CNTNAP2: variants seen among roughly 807,000 people sequenced by gnomAD.
CNTNAP2 encodes the protein contactin associated protein 2.
Under a neutral mutation model 155.2 loss-of-function variants are expected in CNTNAP2, and 98 were observed. That is an observed-to-expected ratio of 0.63 (90% CI 0.54 to 0.75). The LOEUF (loss-of-function observed/expected upper bound fraction) is 0.75, where lower values mean the gene tolerates loss of function less well. Ranked by LOEUF, CNTNAP2 falls within the 30% of genes least tolerant of loss-of-function variation. CNTNAP2 has a pLI of 0.00. For missense variants in CNTNAP2, 1,727 were observed against 1,688.1 expected (o/e 1.02, Z -0.40); for synonymous variants, 651 against 631.2 (o/e 1.03, Z -0.47).
chr7:146,368,842 T>TTA (rs1309936557), intron 1 of CNTNAP2, among the ~76,000 whole-genome samples: 1 of 120,278 alleles, frequency 8.3e-6, no homozygotes, highest in Non-Finnish European at 1.7e-5. Context: ...GTGGAGAAAA[T>TTA]TATATACATA....
At chr7:146,288,432 T>C (rs1800373730) in intron 1 of CNTNAP2, among the ~76,000 whole-genome samples, 1 of 152,200 alleles carries the variant, frequency 6.6e-6, no homozygotes, top group South Asian at 2.1e-4. Flanking sequence ...AAGTCTTTGA[T>C]AGGTTCTTAG....
At chr7:148,244,203 G>A (rs947318205) in intron 20 of CNTNAP2, among the ~76,000 whole-genome samples, 5 of 152,128 alleles carry the variant, frequency 3.3e-5, no homozygotes, top group Admixed American at 1.3e-4. Flanking sequence ...TTATTTTGTC[G>A]TTTTGGAGAG....
At chr7:146,913,101 A>G (rs1051884087) in intron 3 of CNTNAP2, among the ~76,000 whole-genome samples, 8 of 152,270 alleles carry the variant, frequency 5.3e-5, no homozygotes, top group African/African-American at 1.9e-4. Flanking sequence ...TAAATCAGCA[A>G]AGTTTCATAG....
At chr7:148,115,486 C>A (rs2116604095) in intron 15 of CNTNAP2, among the ~76,000 whole-genome samples, 1 of 152,298 alleles carries the variant, frequency 6.6e-6, no homozygotes, top group Non-Finnish European at 1.5e-5. Context: ...GGACTTTGAT[C>A]TCTGCAGGCT....
At chr7:147,829,553 AT>A (rs879713960) in intron 13 of CNTNAP2, among the ~76,000 whole-genome samples, 5 of 152,122 alleles carry the variant, frequency 3.3e-5, no homozygotes, top group African/African-American at 4.8e-5. Context: ...TGAGACAGGC[AT>A]TTTTCCGATA....
intron 13 of CNTNAP2, among the ~76,000 whole-genome samples, chr7:147,672,295 C>G (rs1255844101): frequency 6.6e-6 from 1 of 152,156 alleles, no homozygotes; most frequent in Admixed American, 6.6e-5. Flanking sequence ...CCATGTTAAA[C>G]TTTCTAAATT....
intron 1 of CNTNAP2, among the ~76,000 whole-genome samples, chr7:146,313,706 A>C (rs1488786861): frequency 6.6e-6 from 1 of 152,076 alleles, no homozygotes; most frequent in Non-Finnish European, 1.5e-5. Flanking sequence ...TCAATTTTAA[A>C]TTGATATTTG....
At chr7:147,982,834 A>G (rs1322036539) in intron 15 of CNTNAP2, among the ~76,000 whole-genome samples, 1 of 151,716 alleles carries the variant, frequency 6.6e-6, no homozygotes, top group Non-Finnish European at 1.5e-5. Context: ...CCTGGCCAAC[A>G]TGGTGAAGCC....
intron 3 of CNTNAP2, among the ~76,000 whole-genome samples, chr7:146,970,980 A>G (rs894133581): frequency 1.3e-5 from 2 of 152,198 alleles, no homozygotes; most frequent in Non-Finnish European, 2.9e-5. Context: ...CAAACACTGC[A>G]TATTCTCACT....
intron 1 of CNTNAP2, among the ~76,000 whole-genome samples, chr7:146,738,640 G>A (rs1801659664): frequency 6.6e-6 from 1 of 151,738 alleles, no homozygotes; most frequent in South Asian, 2.1e-4. Flanking sequence ...TAGTCTCAAA[G>A]TTGTGGGTCT....
chr7:146,616,871 TGATGA>T (rs1451336708), intron 1 of CNTNAP2, among the ~76,000 whole-genome samples: 2 of 152,224 alleles, frequency 1.3e-5, no homozygotes, highest in African/African-American at 2.4e-5. Flanking sequence ...AAACATGCAT[TGATGA>T]GATTAGATAC....
chr7:148,032,713 C>G (rs536700290), intron 15 of CNTNAP2, among the ~76,000 whole-genome samples: 2 of 152,160 alleles, frequency 1.3e-5, no homozygotes, highest in Non-Finnish European at 2.9e-5. Flanking sequence ...CCCTTGGGCG[C>G]TAAGCAGAAG....
At chr7:147,932,192 T>A (rs1800518889) in intron 14 of CNTNAP2, among the ~76,000 whole-genome samples, 1 of 152,124 alleles carries the variant, frequency 6.6e-6, no homozygotes, top group Non-Finnish European at 1.5e-5. Context: ...GCCCCAGCAT[T>A]TTTTACAGAA....
intron 13 of CNTNAP2, among the ~76,000 whole-genome samples, chr7:147,826,040 T>C (rs888733620): frequency 6.6e-6 from 1 of 152,178 alleles, no homozygotes; most frequent in African/African-American, 2.4e-5. Flanking sequence ...GTAATTTACA[T>C]CAGGCTAAGG....
At chr7:147,521,395 C>T (rs1296709690) in intron 11 of CNTNAP2, among the ~76,000 whole-genome samples, 1 of 152,174 alleles carries the variant, frequency 6.6e-6, no homozygotes, top group Non-Finnish European at 1.5e-5. Context: ...ATCAAAATGT[C>T]TGCTTTATTA....
chr7:146,168,989 T>A (rs1798352027), intron 1 of CNTNAP2, among the ~76,000 whole-genome samples: 2 of 152,202 alleles, frequency 1.3e-5, no homozygotes, highest in African/African-American at 4.8e-5. Flanking sequence ...AGTGGCCTTT[T>A]TCCAGGCTTT....
At chr7:147,176,056 C>T (rs1019596419) in intron 8 of CNTNAP2, among the ~76,000 whole-genome samples, 1 of 152,102 alleles carries the variant, frequency 6.6e-6, no homozygotes, top group South Asian at 2.1e-4. Flanking sequence ...TTTTGTATGG[C>T]TGGTCTGAGT....
At chr7:146,790,575 T>C (rs541124332) in intron 2 of CNTNAP2, among the ~76,000 whole-genome samples, 1 of 151,196 alleles carries the variant, frequency 6.6e-6, no homozygotes, top group South Asian at 2.1e-4. Context: ...GTGATTTTTT[T>C]TTTTTTTTTT....
chr7:146,831,598 C>T (rs1229291340), intron 2 of CNTNAP2, among the ~76,000 whole-genome samples: 3 of 148,794 alleles, frequency 2.0e-5, no homozygotes, highest in African/African-American at 7.6e-5. Flanking sequence ...ATCGCTTGAA[C>T]CCAGGAGGCG....
Sources: allele counts gnomAD v4.1 joint callset (sites outside exome capture counted in the v4.1 genomes callset), GRCh38; gene constraint gnomAD v4.1.1; transcripts MANE v1.5; gene names NCBI Gene and HGNC (gene_info 2026-07-23, HGNC 2026-07-21).